PAM: variants seen among roughly 807,000 people sequenced by gnomAD.
The protein encoded by PAM is peptidyl-glycine alpha-amidating monooxygenase.
PAM carries 72 observed loss-of-function variants against 122.1 expected under a neutral mutation model. That is an observed-to-expected ratio of 0.59 (90% CI 0.49 to 0.72). The LOEUF (loss-of-function observed/expected upper bound fraction) is 0.72, where lower values mean the gene tolerates loss of function less well. Among genes scored for constraint, PAM ranks in the 30% least tolerant of loss-of-function variants. The probability of loss-of-function intolerance (pLI) is 0.00; values close to 1 mark genes in which losing one functional copy is unlikely to be tolerated. For missense variants in PAM, 1,106 were observed against 1,183.7 expected, an observed-to-expected ratio of 0.93 and a Z score of 0.96; for synonymous variants, 389 against 404.4, an observed-to-expected ratio of 0.96 and a Z score of 0.46.
rs150417012 is a variant in PAM at position 102,945,990 on chromosome 5, G to GCA, written c.527-843_527-842dup. ...ATTACAACAGAAGGACAAAGTCAGA[G>GCA]CACACTGCAAATCATCAGGGAAATA... On this transcript the variant is annotated intron_variant, in intron 7 of 25. Transcript: ENST00000438793. 6.7e-3 allele frequency among the ~76,000 whole-genome samples: 1,015 copies of GCA among 152,224 alleles called. 7 individuals carry two copies. The highest frequency in any genetic ancestry group is 0.012 in the Non-Finnish European group (845 of 68,018).
intron 23 of PAM, among the ~76,000 whole-genome samples, chr5:103,023,505 CA>C (rs55641270): frequency 0.019 from 2,169 of 115,694 alleles, 19 homozygotes; most frequent in Non-Finnish European, 0.027. Context: ...CTATAGCAAC[CA>C]AAAAAAAAAA....
chr5:102,995,463 G>GT (rs1004648555), intron 16 of PAM, among the ~76,000 whole-genome samples: 1 of 152,124 alleles, frequency 6.6e-6, no homozygotes, highest in African/African-American at 2.4e-5. Context: ...AGAAAATCAC[G>GT]TTTTTTTGAA....
intron 23 of PAM, among the ~76,000 whole-genome samples, chr5:103,023,454 A>G (rs1784162450): frequency 1.3e-5 from 2 of 151,886 alleles, no homozygotes; most frequent in South Asian, 4.2e-4. Context: ...TTATTTAAAT[A>G]TAGAATAAGC....
At chr5:102,785,726 A>G (rs1169995395) in intron 1 of PAM, among the ~76,000 whole-genome samples, 1 of 152,186 alleles carries the variant, frequency 6.6e-6, no homozygotes. Context: ...GGGAAACCAT[A>G]AAAGTATTGA....
Position 102,872,014 on chromosome 5 carries a change from T to C in PAM, c.210+4621T>C, listed in dbSNP as rs922414710. 4.6e-5 allele frequency among the ~76,000 whole-genome samples: 7 copies of C among 152,132 alleles called. 1 individual carries two copies. The highest frequency in any genetic ancestry group is 1.0e-4 in the Non-Finnish European group (7 of 67,996). On this transcript the variant is annotated intron_variant, in intron 3 of 25. Coordinates refer to ENST00000438793, the MANE Select transcript of PAM (RefSeq NM_001177306.2). ...TTGAGCCTAATTTCTTAAAGCCTTA[T>C]ATTAATTGAATTTCTTTCAATGAAG...
intron 23 of PAM, among the ~76,000 whole-genome samples, chr5:103,021,228 C>T (rs1783458422): frequency 6.6e-6 from 1 of 152,090 alleles, no homozygotes; most frequent in African/African-American, 2.4e-5. Flanking sequence ...CTATTTGGTA[C>T]CAAAGCCTGC....
intron 1 of PAM, among the ~76,000 whole-genome samples, chr5:102,840,006 T>C (rs1778161045): frequency 6.6e-6 from 1 of 152,194 alleles, no homozygotes; most frequent in Non-Finnish European, 1.5e-5. Flanking sequence ...TTAATCATTA[T>C]ACTAGAGGTT....
intron 1 of PAM, among the ~76,000 whole-genome samples, chr5:102,831,575 A>G (rs1029819768): frequency 1.4e-4 from 21 of 152,140 alleles, no homozygotes; most frequent in Non-Finnish European, 1.5e-5. Context: ...AAATATAAAT[A>G]TGTTTATCAA....
At chr5:102,940,022 T>A (rs551561007) in intron 7 of PAM, among the ~76,000 whole-genome samples, 1 of 151,734 alleles carries the variant, frequency 6.6e-6, no homozygotes, top group Non-Finnish European at 1.5e-5. Flanking sequence ...TCTTTAGAGG[T>A]TTAAGTAAAA....
intron 1 of PAM, among the ~76,000 whole-genome samples, chr5:102,864,261 GGCAA>G (rs1451725129): frequency 2.7e-5 from 4 of 150,552 alleles, no homozygotes; most frequent in Non-Finnish European, 5.9e-5. Flanking sequence ...TGCTAGCAAA[GGCAA>G]TAGCATAGCC....
At chr5:102,856,679 T>C (rs1409893885) in intron 1 of PAM, among the ~76,000 whole-genome samples, 1 of 152,192 alleles carries the variant, frequency 6.6e-6, no homozygotes, top group Admixed American at 6.5e-5. Flanking sequence ...AGGGCGTCTG[T>C]TACTGATCAT....
At chr5:103,008,546 C>A (rs1779709413) in intron 20 of PAM, among the ~76,000 whole-genome samples, 1 of 151,974 alleles carries the variant, frequency 6.6e-6, no homozygotes, top group East Asian at 1.9e-4. Context: ...ACATCTATAC[C>A]TGTATTAAAG....
intron 3 of PAM, among the ~76,000 whole-genome samples, chr5:102,868,283 G>A (rs1170688991): frequency 6.7e-6 from 1 of 148,474 alleles, no homozygotes; most frequent in Non-Finnish European, 1.5e-5. Flanking sequence ...TCAGTACTAG[G>A]AAAATAAAGT....
At chr5:102,880,477 T>A (rs1472141105) in intron 3 of PAM, among the ~76,000 whole-genome samples, 2 of 152,186 alleles carry the variant, frequency 1.3e-5, no homozygotes, top group Non-Finnish European at 2.9e-5. Context: ...TTTAAACTCA[T>A]GTCCACTCAT....
intron 1 of PAM, among the ~76,000 whole-genome samples, chr5:102,803,679 G>T (rs542556586): frequency 1.3e-5 from 2 of 152,062 alleles, no homozygotes; most frequent in African/African-American, 4.8e-5. Flanking sequence ...TACCACACTG[G>T]GTTCTTTAAA....
intron 21 of PAM, among the ~76,000 whole-genome samples, chr5:103,012,772 C>T (rs1022019617): frequency 4.0e-5 from 6 of 150,436 alleles, no homozygotes; most frequent in African/African-American, 7.3e-5. Context: ...AGGAGAATGG[C>T]GTGAACCCGG....
chr5:102,777,351 T>G (rs939625613), intron 1 of PAM, among the ~76,000 whole-genome samples: 16 of 152,208 alleles, frequency 1.1e-4, no homozygotes, highest in African/African-American at 3.8e-4. Flanking sequence ...TTTTTCCCCA[T>G]AAACCTTGTT....
chr5:102,990,535 T>G (rs1773742192), intron 16 of PAM, 134 bp downstream of exon 16: 2 of 580,506 alleles, frequency 3.4e-6, no homozygotes, highest in Non-Finnish European at 5.6e-6. Context: ...AAAATGTATT[T>G]GTCCTTTTAA....
chr5:102,966,835 A>G (rs1282994738), intron 14 of PAM, among the ~76,000 whole-genome samples: 4 of 152,162 alleles, frequency 2.6e-5, no homozygotes, highest in African/African-American at 9.7e-5. Context: ...AACAATAAGC[A>G]GTAACAAGAG....
Sources: gnomAD v4.1 joint callset for allele counts (sites outside exome capture counted in the v4.1 genomes callset) on GRCh38, gnomAD v4.1.1 for gene constraint, MANE v1.5 for transcripts, NCBI Gene and HGNC (gene_info 2026-07-23, HGNC 2026-07-21) for gene names.